The following ZHX2 variants were observed in gnomAD, a reference collection of about 807,000 sequenced individuals.
The protein encoded by ZHX2 is zinc fingers and homeoboxes 2, also known as zinc fingers and homeoboxes protein 2.
In ZHX2, 6 loss-of-function variants were observed where a neutral mutation model predicts 21.9. The observed-to-expected ratio is 0.27, with a 90% confidence interval of 0.15 to 0.54. The LOEUF is 0.54. Ranked by LOEUF, ZHX2 falls within the 20% of genes least tolerant of loss-of-function variation. The pLI, the probability that ZHX2 is intolerant of heterozygous loss-of-function variation, is 0.95. For missense variants in ZHX2, 908 were observed against 1,090.7 expected, an observed-to-expected ratio of 0.83 and a Z score of 2.36; for synonymous variants, 434 against 437.1, an observed-to-expected ratio of 0.99 and a Z score of 0.09.
intron 1 of ZHX2, among the ~76,000 whole-genome samples, chr8:122,837,596 T>G (rs1046829609): frequency 6.6e-6 from 1 of 152,204 alleles, no homozygotes; most frequent in African/African-American, 2.4e-5. Flanking sequence ...GTGCTAATAG[T>G]GCAAATTCCT....
intron 1 of ZHX2, among the ~76,000 whole-genome samples, chr8:122,857,406 T>C (rs1017160570): frequency 1.8e-4 from 27 of 151,546 alleles, no homozygotes; most frequent in Non-Finnish European, 1.9e-4. Flanking sequence ...GCCAGACACA[T>C]ACATCTTCCT....
At position 122,870,638 on chromosome 8, in the gene ZHX2, CAAAAAAAAAAAAAAAA is replaced by C. The variant is rs59071295; in HGVS notation, c.-220+7112_-220+7127del. Among the ~76,000 whole-genome samples the C allele has an allele frequency of 6.4e-3, 408 of 63,914 alleles. 6 individuals are homozygous for C. Among genetic ancestry groups the C allele is most frequent in the Non-Finnish European group, 9.0e-3 (330 of 36,492 alleles). 41.9% of individuals were successfully genotyped at this position (63,914 alleles called of 152,430 possible). A position where few individuals can be genotyped will look rare whatever the true frequency, so the allele number is the denominator to read the frequency against. On this transcript the variant is annotated intron_variant, in intron 2 of 3. Transcript: ENST00000314393. ...TGGGTGACAGAGCAAGTCTCTGTCTCAAAAAAAAAAAAAAAAAAAAAAAAAAAAGAAAGAGAAAGAT... is the reference window on the plus strand; with the variant it reads ...TGGGTGACAGAGCAAGTCTCTGTCTCAAAAAAAAAAAAGAAAGAGAAAGAT...
At chr8:122,866,462 C>G (rs1173555224) in intron 2 of ZHX2, among the ~76,000 whole-genome samples, 2 of 152,176 alleles carry the variant, frequency 1.3e-5, no homozygotes, top group Non-Finnish European at 2.9e-5. Context: ...GCCTTTGGCT[C>G]CCTCACCCCA....
At position 122,927,430 on chromosome 8, in the gene ZHX2, G is replaced by A. The variant is rs193028920; in HGVS notation, c.-219-23862G>A. On this transcript the variant is annotated intron_variant, in intron 2 of 3. Coordinates refer to ENST00000314393, the MANE Select transcript of ZHX2 (RefSeq NM_014943.5). ...GAATCACTTGAACCCGGGAGGCAGA[G>A]GTTGCAGTGAGCTAAGATCGTGCCA... is the stretch of plus-strand genomic sequence containing the variant. 2.3e-3 allele frequency among the ~76,000 whole-genome samples: 349 copies of A among 152,304 alleles called. 1 individual carries two copies. Among genetic ancestry groups the A allele is most frequent in the African/African-American group, 8.0e-3 (331 of 41,576 alleles).
chr8:122,803,047 G>A (rs1453827559), intron 1 of ZHX2, among the ~76,000 whole-genome samples: 2 of 151,462 alleles, frequency 1.3e-5, no homozygotes, highest in Non-Finnish European at 2.9e-5. Context: ...GCCCCTACAG[G>A]TGGTGTTGGT....
intron 2 of ZHX2, among the ~76,000 whole-genome samples, chr8:122,902,415 C>T (rs767374569): frequency 3.4e-4 from 51 of 152,208 alleles, no homozygotes; most frequent in Non-Finnish European, 1.0e-4. Flanking sequence ...AGTTGCATGA[C>T]CTCTCTGTGC....
At chr8:122,811,806 A>G (rs896941068) in intron 1 of ZHX2, 6 of 152,240 alleles carry the variant, frequency 3.9e-5, no homozygotes, top group African/African-American at 1.4e-4. Context: ...CCCCTTTCAC[A>G]TTTAAGAAAG....
In ZHX2 at chr8:122,953,861, A is replaced by G; in HGVS notation, c.2351A>G (p.Glu784Gly). Reference protein sequence around the residue: ...GSSRDGQGSDENEESSVVDYV... With the variant: ...GSSRDGQGSDGNEESSVVDYV... ...AGCCGGGACGGCCAGGGTAGCGACG[A>G]GAACGAGGAGTCGAGCGTTGTGGAT... The change falls in exon 3 of 4, where the codon GAG (glutamate) becomes GGG (glycine). Residue 784 changes from glutamate (E) to glycine (G), a missense_variant. Coordinates refer to ENST00000314393, the MANE Select transcript of ZHX2 (RefSeq NM_014943.5). The surrounding 1 kb of genome is among the most constrained non-coding windows in gnomAD (Gnocchi z 4.6). The G allele has an allele frequency of 6.2e-7, 1 of 1,614,230 alleles. No individual in the cohort carries two copies. Among genetic ancestry groups the G allele is most frequent in the Non-Finnish European group, 8.5e-7 (1 of 1,180,016 alleles).
At chr8:122,944,911 C>T (rs1295040966) in intron 2 of ZHX2, among the ~76,000 whole-genome samples, 2 of 152,098 alleles carry the variant, frequency 1.3e-5, no homozygotes, top group African/African-American at 2.4e-5. Context: ...TACATGAGGT[C>T]ATGAGGGTGG....
At position 122,939,013 on chromosome 8, in the gene ZHX2, C is replaced by T. The variant is rs1315877149; in HGVS notation, c.-219-12279C>T. Among the ~76,000 whole-genome samples the T allele has an allele frequency of 2.6e-5, 4 of 152,266 alleles. No individual in the cohort carries two copies. The East Asian group carries it at 7.7e-4, about 29-fold the overall frequency. On this transcript the variant is annotated intron_variant, in intron 2 of 3. Transcript: ENST00000314393. Reference sequence around the variant, plus strand: ...CCACAGAGGTGAGGGGTGAAGCATGCAGTAAGAGAAGCGGTGAGCAGGTGT... The same window carrying T: ...CCACAGAGGTGAGGGGTGAAGCATGTAGTAAGAGAAGCGGTGAGCAGGTGT...
At chr8:122,854,219 G>A (rs1818973649) in intron 1 of ZHX2, among the ~76,000 whole-genome samples, 1 of 152,200 alleles carries the variant, frequency 6.6e-6, no homozygotes, top group African/African-American at 2.4e-5. Context: ...TCTGCACTGT[G>A]ATGTGGAACC....
chr8:122,797,918 G>A lies in ZHX2; in HGVS notation c.-283+15972G>A, dbSNP rs946776888. ...CTGACAGTTACCAGGAGGGTTCAGC[G>A]TGCCAGGCCGATTCTCAGAACTGCA... On this transcript the variant is annotated intron_variant, in intron 1 of 3. Transcript: ENST00000314393. Among the ~76,000 whole-genome samples the A allele has an allele frequency of 4.6e-5, 7 of 152,128 alleles. No homozygotes were observed. The South Asian group carries it at 8.3e-4, about 18-fold the overall frequency.
chr8:122,843,788 C>T (rs1201240679), intron 1 of ZHX2, among the ~76,000 whole-genome samples: 3 of 152,186 alleles, frequency 2.0e-5, no homozygotes, highest in Non-Finnish European at 2.9e-5. Flanking sequence ...GAAACACTTC[C>T]AGCTGGTGGG....
chr8:122,869,586 C>A (rs764928576), intron 2 of ZHX2, among the ~76,000 whole-genome samples: 1 of 152,212 alleles, frequency 6.6e-6, no homozygotes, highest in African/African-American at 2.4e-5. Context: ...AGGGAGCTGT[C>A]GCCGGGAGGC....
At chr8:122,881,092 A>T (rs1819703994) in intron 2 of ZHX2, among the ~76,000 whole-genome samples, 1 of 152,070 alleles carries the variant, frequency 6.6e-6, no homozygotes, top group South Asian at 2.1e-4. Context: ...CCTGATGCGG[A>T]TGTGATATTG....
intron 1 of ZHX2, among the ~76,000 whole-genome samples, chr8:122,856,087 T>C (rs755457825): frequency 3.3e-5 from 5 of 152,236 alleles, no homozygotes; most frequent in Non-Finnish European, 7.3e-5. Context: ...TTTTATAATA[T>C]TATTTAGTCT....
chr8:122,800,386 C>T (rs775935907), intron 1 of ZHX2, among the ~76,000 whole-genome samples: 10 of 152,164 alleles, frequency 6.6e-5, no homozygotes, highest in Non-Finnish European at 1.2e-4. Flanking sequence ...TGCTGTGAGG[C>T]GCCCCGGCAA....
chr8:122,835,257 CTAGCACCGGCG>C (rs1212392102), intron 1 of ZHX2, among the ~76,000 whole-genome samples: 13 of 152,354 alleles, frequency 8.5e-5, no homozygotes, highest in African/African-American at 3.1e-4. Context: ...AGGGGGTATT[CTAGCACCGGCG>C]CTGAAGTAAG....
chr8:122,883,472 C>G (rs548173267), intron 2 of ZHX2, among the ~76,000 whole-genome samples: 2 of 152,318 alleles, frequency 1.3e-5, no homozygotes, highest in South Asian at 2.1e-4. Context: ...GCCAGTTGCT[C>G]TGACACATGG....
Sources: allele counts gnomAD v4.1 joint callset (sites outside exome capture counted in the v4.1 genomes callset), GRCh38; gene constraint gnomAD v4.1.1; non-coding constraint Gnocchi (gnomAD v3.1); transcripts MANE v1.5; gene names NCBI Gene and HGNC (gene_info 2026-07-23, HGNC 2026-07-21).